The following ANK3 variants were observed in gnomAD, a reference collection of about 807,000 sequenced individuals.
ANK3 encodes ankyrin-3.
ANK3 carries 57 observed loss-of-function variants against 370.9 expected under a neutral mutation model. That is an observed-to-expected ratio of 0.15 (90% CI 0.12 to 0.19). The LOEUF (loss-of-function observed/expected upper bound fraction) is 0.19. Among genes scored for constraint, ANK3 ranks in the 10% least tolerant of loss-of-function variants. The pLI, the probability that ANK3 is intolerant of heterozygous loss-of-function variation, is 1.00. For missense variants in ANK3, 4,439 were observed against 5,302.1 expected, an observed-to-expected ratio of 0.84 and a Z score of 5.06; for synonymous variants, 1,929 against 1,946.3, an observed-to-expected ratio of 0.99 and a Z score of 0.23.
intron 1 of ANK3, among the ~76,000 whole-genome samples, chr10:60,309,929 T>C (rs546936802): frequency 4.1e-4 from 62 of 150,106 alleles, no homozygotes; most frequent in African/African-American, 1.2e-3. Context: ...TTTCTTTTTT[T>C]TTTTTTTTTG....
At chr10:60,468,554 C>G (rs1351192958) in intron 2 of ANK3, among the ~76,000 whole-genome samples, 1 of 152,002 alleles carries the variant, frequency 6.6e-6, no homozygotes, top group East Asian at 1.9e-4. Context: ...TCCTCCTATT[C>G]CAACCAAAAT....
At chr10:60,302,780 A>C (rs2044107029) in intron 1 of ANK3, among the ~76,000 whole-genome samples, 1 of 152,222 alleles carries the variant, frequency 6.6e-6, no homozygotes, top group South Asian at 2.1e-4. Context: ...TGGCTTAAAA[A>C]TATATTACAA....
At chr10:60,630,692 T>C (rs538376338) in intron 1 of ANK3, among the ~76,000 whole-genome samples, 24 of 152,246 alleles carry the variant, frequency 1.6e-4, no homozygotes, top group Admixed American at 1.4e-3. Context: ...AGGACAGCTG[T>C]TATAAGACAC....
At chr10:60,607,222 G>T (rs192053680) in intron 2 of ANK3, among the ~76,000 whole-genome samples, 1 of 152,236 alleles carries the variant, frequency 6.6e-6, no homozygotes, top group East Asian at 1.9e-4. Flanking sequence ...ACCATACTGG[G>T]TGTTATAAAC....
chr10:60,068,352 T>G (rs554932760), intron 37 of ANK3, among the ~76,000 whole-genome samples: 2 of 152,222 alleles, frequency 1.3e-5, no homozygotes, highest in South Asian at 4.1e-4. Context: ...CATTAGCACA[T>G]TAAAAAAGAA....
Position 60,072,092 on chromosome 10 carries a change from T to C in ANK3, c.8789A>G (p.Tyr2930Cys), listed in dbSNP as rs772221749. 30 of 1,614,066 alleles carry C rather than the reference T, an allele frequency of 1.9e-5. No homozygotes were observed. Among genetic ancestry groups the C allele is most frequent in the Middle Eastern group, 3.3e-4 (2 of 6,060 alleles). The stretch of plus-strand genomic sequence containing the variant: ...CCCTTCTTTCACAACATATTCCCTA[T>C]ATAAGACTTTTTTGGAGGGAGATTT... ...TVKSPSKKVL[Y>C]REYVVKEGDH... Residue 2930 changes from tyrosine (Y) to cysteine (C), a missense_variant, in exon 37 of 44, where the codon TAT becomes TGT. Tyr to Cys is a radical substitution (Grantham distance 194, BLOSUM62 -2). Transcript: ENST00000280772.
rs528806976 is a variant in ANK3, at chr10:60,086,733, G to A, written c.3692C>T (p.Ser1231Phe). 1.9e-6 allele frequency: 3 copies of A among 1,613,816 alleles called. No homozygotes were observed. In the South Asian group the frequency reaches 3.3e-5, roughly 18 times the overall value. ...PVPPPSGEGV[S>F]NGYKGDTTPN... ...TGTAGTGTCCCCTTTGTATCCATTG[G>A]ATACACCTTCTCCTGAGGGCGGGGG... is the stretch of plus-strand genomic sequence containing the variant. The change falls in exon 30 of 44, where the codon TCC (serine) becomes TTC (phenylalanine). Residue 1231 changes from serine (S) to phenylalanine (F), a missense_variant. By Grantham distance (155) the Ser-to-Phe change is radical. Coordinates refer to ENST00000280772, the MANE Select transcript of ANK3 (RefSeq NM_020987.5).
intron 8 of ANK3, among the ~76,000 whole-genome samples, chr10:60,230,842 T>C (rs1436403180): frequency 2.0e-5 from 3 of 150,474 alleles, no homozygotes; most frequent in African/African-American, 7.4e-5. Context: ...TGAGCCGAGA[T>C]TGCGCCACTG....
At chr10:60,147,953 T>C (rs745413681) in intron 23 of ANK3, among the ~76,000 whole-genome samples, 2 of 152,246 alleles carry the variant, frequency 1.3e-5, no homozygotes, top group Admixed American at 6.5e-5. Context: ...GTGGTAATTA[T>C]GGATTAAGTT....
At chr10:60,577,293 G>A (rs932350145) in intron 2 of ANK3, among the ~76,000 whole-genome samples, 3 of 151,958 alleles carry the variant, frequency 2.0e-5, no homozygotes, top group African/African-American at 7.3e-5. Context: ...ATGTTCCTGG[G>A]GCCCTAAACT....
At chr10:60,557,260 T>C (rs1425428332) in intron 2 of ANK3, among the ~76,000 whole-genome samples, 1 of 152,060 alleles carries the variant, frequency 6.6e-6, no homozygotes, top group African/African-American at 2.4e-5. Flanking sequence ...CATCAACAGA[T>C]GGACAAAATG....
intron 10 of ANK3, among the ~76,000 whole-genome samples, chr10:60,207,739 C>A (rs2096787283): frequency 6.6e-6 from 1 of 152,134 alleles, no homozygotes; most frequent in African/African-American, 2.4e-5. Context: ...ATAAGTTTAT[C>A]CACAATAAGA....
intron 2 of ANK3, among the ~76,000 whole-genome samples, chr10:60,403,697 C>T (rs2063397710): frequency 1.3e-5 from 2 of 152,298 alleles, no homozygotes; most frequent in South Asian, 4.1e-4. Context: ...ACACCATTCT[C>T]CTGAGTATTG....
At chr10:60,712,175 C>T (rs1049170698) in intron 1 of ANK3, among the ~76,000 whole-genome samples, 1 of 152,110 alleles carries the variant, frequency 6.6e-6, no homozygotes, top group Non-Finnish European at 1.5e-5. Context: ...GTGAGACCCC[C>T]CCAGTCTCTA....
chr10:60,214,757 A>G (rs1194615891), intron 8 of ANK3, among the ~76,000 whole-genome samples: 1 of 151,984 alleles, frequency 6.6e-6, no homozygotes, highest in Non-Finnish European at 1.5e-5. Flanking sequence ...TCTCCAGTCT[A>G]TTGTTGATGG....
At chr10:60,280,312 G>C (rs2098142142) in intron 1 of ANK3, among the ~76,000 whole-genome samples, 1 of 152,012 alleles carries the variant, frequency 6.6e-6, no homozygotes, top group Non-Finnish European at 1.5e-5. Context: ...TCCCACCTTG[G>C]CCTCCCAAAG....
intron 8 of ANK3, among the ~76,000 whole-genome samples, chr10:60,225,921 G>C (rs539279054): frequency 2.7e-5 from 4 of 149,026 alleles, no homozygotes; most frequent in Non-Finnish European, 4.5e-5. Context: ...TTTTTTGGGG[G>C]GATAGTTGTT....
At chr10:60,081,736 T>C (rs2085310840) in intron 35 of ANK3, 1 of 289,754 alleles carries the variant, frequency 3.5e-6, no homozygotes, top group African/African-American at 2.2e-5. Context: ...ACAAAATGTC[T>C]ATTTGGCGGG....
At chr10:60,698,344 T>C (rs1306455275) in intron 1 of ANK3, among the ~76,000 whole-genome samples, 71 of 151,388 alleles carry the variant, frequency 4.7e-4, no homozygotes, top group Non-Finnish European at 7.4e-4. Flanking sequence ...GTCAGTGTGG[T>C]GATTCCTCAG....
Sources: allele counts gnomAD v4.1 joint callset (sites outside exome capture counted in the v4.1 genomes callset), GRCh38; gene constraint gnomAD v4.1.1; transcripts MANE v1.5; gene names NCBI Gene and HGNC (gene_info 2026-07-23, HGNC 2026-07-21).